Variants in ZNF608 observed in about 807,000 individuals in gnomAD.
ZNF608 encodes the protein zinc finger protein 608, also known as renal carcinoma antigen NY-REN-36.
A neutral mutation model predicts 109.0 loss-of-function variants in ZNF608; 12 were observed. That is an observed-to-expected ratio of 0.11 (90% CI 0.07 to 0.18). ZNF608 has a LOEUF of 0.18. ZNF608 is among the 10% of genes least tolerant of loss of function. The pLI is 1.00. For missense variants in ZNF608, 1,707 were observed against 1,879.3 expected (o/e 0.91, Z 1.70); for synonymous variants, 732 against 717.4 (o/e 1.02, Z -0.33).
chr5:124,658,081 G>A (rs542653164), intron 3 of ZNF608, among the ~76,000 whole-genome samples: 2 of 152,076 alleles, frequency 1.3e-5, no homozygotes, highest in African/African-American at 4.8e-5. Context: ...TCCTGCTAAG[G>A]TTCCTGGAGT....
intron 3 of ZNF608, among the ~76,000 whole-genome samples, chr5:124,698,783 A>G (rs1454084022): frequency 6.6e-6 from 1 of 152,208 alleles, no homozygotes; most frequent in Non-Finnish European, 1.5e-5. Context: ...TTTTTCCTAA[A>G]TAATCTTATC....
At chr5:124,721,810 CGCCTG>C (rs1363979904) in intron 2 of ZNF608, among the ~76,000 whole-genome samples, 2 of 151,156 alleles carry the variant, frequency 1.3e-5, no homozygotes, top group African/African-American at 4.9e-5. Context: ...AGGTGGCGGG[CGCCTG>C]TCATCCCAGC....
intron 3 of ZNF608, among the ~76,000 whole-genome samples, chr5:124,696,196 A>G (rs1424357643): frequency 6.6e-6 from 1 of 152,088 alleles, no homozygotes; most frequent in Non-Finnish European, 1.5e-5. Context: ...AGAAAAAAAA[A>G]AAAGGAAAAA....
At chr5:124,652,382 C>A (rs972687159) in intron 3 of ZNF608, among the ~76,000 whole-genome samples, 4 of 152,158 alleles carry the variant, frequency 2.6e-5, no homozygotes, top group Non-Finnish European at 5.9e-5. Context: ...ATTTAAAATG[C>A]TCAAAACAAA....
chr5:124,710,481 C>G, intron 2 of ZNF608: 1 of 285,850 alleles, frequency 3.5e-6, no homozygotes, highest in Non-Finnish European at 6.9e-6. Flanking sequence ...GAGCTGAGAT[C>G]CATGTAAAGG....
chr5:124,716,091 C>G (rs1335161751), intron 2 of ZNF608, among the ~76,000 whole-genome samples: 10 of 143,754 alleles, frequency 7.0e-5, no homozygotes, highest in Non-Finnish European at 1.5e-4. Flanking sequence ...GGCAGTGAGC[C>G]GAGATCGCGC....
intron 3 of ZNF608, among the ~76,000 whole-genome samples, chr5:124,680,762 G>A (rs1478655675): frequency 6.6e-6 from 1 of 152,086 alleles, no homozygotes; most frequent in Non-Finnish European, 1.5e-5. Flanking sequence ...AATTAGAAAA[G>A]CTAATTAAAT....
Position 124,648,360 on chromosome 5 carries a change from A to G in ZNF608, c.2024T>C (p.Val675Ala). The G allele has an allele frequency of 6.2e-7, 1 of 1,614,162 alleles. No homozygotes were observed. Among genetic ancestry groups the G allele is most frequent in the Non-Finnish European group, 8.5e-7 (1 of 1,180,032 alleles). The change falls in exon 5 of 10, where the codon GTA (valine) becomes GCA (alanine). Residue 675 changes from valine to alanine, a missense_variant. Transcript: ENST00000513986. ...GLNNELNNLPVISNMTAALDS... is the reference protein window; with the variant it reads ...GLNNELNNLPAISNMTAALDS... ...TAACGCAGCCGTCATGTTGGAGATT[A>G]CTGGAAGGTTGTTCAGTTCATTGTT...
chr5:124,681,025 A>G (rs1752173259), intron 3 of ZNF608, among the ~76,000 whole-genome samples: 1 of 152,234 alleles, frequency 6.6e-6, no homozygotes, highest in African/African-American at 2.4e-5. Flanking sequence ...CAACTTCTAC[A>G]TAAAATGAGT....
At chr5:124,664,734 T>C (rs1176391014) in intron 3 of ZNF608, among the ~76,000 whole-genome samples, 2 of 152,206 alleles carry the variant, frequency 1.3e-5, no homozygotes, top group Non-Finnish European at 2.9e-5. Context: ...ATGCACTTTA[T>C]AAGTTTACAT....
At chr5:124,743,124 G>T (rs1050166063) in intron 2 of ZNF608, among the ~76,000 whole-genome samples, 1 of 152,222 alleles carries the variant, frequency 6.6e-6, no homozygotes, top group Non-Finnish European at 1.5e-5. Context: ...GGGGCAGGCA[G>T]TTCTTCCAAG....
At chr5:124,697,191 T>C (rs1433887938) in intron 3 of ZNF608, among the ~76,000 whole-genome samples, 3 of 140,514 alleles carry the variant, frequency 2.1e-5, no homozygotes, top group African/African-American at 8.1e-5. Context: ...CGGCGACAGA[T>C]GCAGCTAAAC....
chr5:124,654,554 T>A (rs1750928335), intron 3 of ZNF608, among the ~76,000 whole-genome samples: 2 of 152,162 alleles, frequency 1.3e-5, no homozygotes, highest in Non-Finnish European at 2.9e-5. Flanking sequence ...AGCCATTCTC[T>A]CCTGGATCCC....
chr5:124,736,948 A>C (rs2149898985), intron 2 of ZNF608, among the ~76,000 whole-genome samples: 1 of 152,360 alleles, frequency 6.6e-6, no homozygotes, highest in Non-Finnish European at 1.5e-5. Flanking sequence ...AGTGCAACCA[A>C]AGACCAAGCT....
intron 3 of ZNF608, among the ~76,000 whole-genome samples, chr5:124,655,440 TC>T (rs1398366468): frequency 6.6e-6 from 1 of 152,174 alleles, no homozygotes; most frequent in Non-Finnish European, 1.5e-5. Context: ...TTTTGAACTC[TC>T]TCAGACTACC....
chr5:124,662,482 A>G (rs999896853), intron 3 of ZNF608, among the ~76,000 whole-genome samples: 2 of 152,210 alleles, frequency 1.3e-5, no homozygotes, highest in Non-Finnish European at 2.9e-5. Flanking sequence ...ACACTCTCTG[A>G]CAGCTTTTAC....
intron 3 of ZNF608, among the ~76,000 whole-genome samples, chr5:124,686,871 G>A (rs895682550): frequency 2.0e-5 from 3 of 152,214 alleles, no homozygotes; most frequent in Non-Finnish European, 4.4e-5. Flanking sequence ...ACTGGGCCAG[G>A]AGAATACAAG....
chr5:124,682,493 A>G (rs1156550355), intron 3 of ZNF608, among the ~76,000 whole-genome samples: 1 of 152,268 alleles, frequency 6.6e-6, no homozygotes, highest in Admixed American at 6.5e-5. Flanking sequence ...GCATCTTCAG[A>G]ATGGTATACA....
chr5:124,679,983 G>T (rs1456469681), intron 3 of ZNF608, among the ~76,000 whole-genome samples: 1 of 152,130 alleles, frequency 6.6e-6, no homozygotes, highest in Admixed American at 6.5e-5. Flanking sequence ...GATAAGTAAA[G>T]ATAAAAACAG....
Sources: allele counts gnomAD v4.1 joint callset (sites outside exome capture counted in the v4.1 genomes callset), GRCh38; gene constraint gnomAD v4.1.1; transcripts MANE v1.5; gene names NCBI Gene and HGNC (gene_info 2026-07-23, HGNC 2026-07-21).